CAMK2A: variants seen among roughly 807,000 people sequenced by gnomAD.
The protein encoded by CAMK2A is calcium/calmodulin dependent protein kinase II alpha.
A neutral mutation model predicts 79.2 loss-of-function variants in CAMK2A; 7 were observed. The observed-to-expected ratio is 0.09, with a 90% confidence interval of 0.05 to 0.17. The LOEUF (loss-of-function observed/expected upper bound fraction) is 0.17, where lower values mean the gene tolerates loss of function less well. Among genes scored for constraint, CAMK2A ranks in the 10% least tolerant of loss-of-function variants. The pLI is 1.00. For missense variants in CAMK2A, 214 were observed against 646.4 expected (o/e 0.33, Z 7.25); for synonymous variants, 242 against 251.7 (o/e 0.96, Z 0.36).
At position 150,256,545 on chromosome 5, in the gene CAMK2A, T is replaced by A. The variant is rs201306787; in HGVS notation, c.411+28A>T. 2 of 1,572,476 alleles carry A rather than the reference T, an allele frequency of 1.3e-6. No individual in the cohort carries two copies. Among genetic ancestry groups the A allele is most frequent in the South Asian group, 2.2e-5 (2 of 90,022 alleles). On this transcript the variant is annotated intron_variant, in intron 6 of 18. Transcript: ENST00000671881. This position sits in a 1 kb window ranked among gnomAD's most constrained non-coding sequence, Gnocchi z 4.6. Reference sequence around the variant, plus strand: ...GCAGAGGAGAGAGGGGCTCCCGGGGTGAGCCACACCCACGGTGGGTTGCTC... The same window carrying A: ...GCAGAGGAGAGAGGGGCTCCCGGGGAGAGCCACACCCACGGTGGGTTGCTC...
rs890622182 is a variant in CAMK2A, at chr5:150,220,632, A to G, written c.*2078T>C. 3 of 152,384 alleles carry G rather than the reference A, an allele frequency of 2.0e-5. No individual in the cohort carries two copies. Among genetic ancestry groups the G allele is most frequent in the Non-Finnish European group, 4.4e-5 (3 of 68,084 alleles). 9.4% of individuals were successfully genotyped at this position (152,384 alleles called of 1,614,324 possible). ...GGGAACTGGCAGCTCAAAAGGGGACAGGTGGTTTTGCCCCTGGGATAATGG... is the reference window on the plus strand; with the variant it reads ...GGGAACTGGCAGCTCAAAAGGGGACGGGTGGTTTTGCCCCTGGGATAATGG... On this transcript the variant is annotated 3_prime_UTR_variant, in exon 19 of 19. Coordinates refer to ENST00000671881, the MANE Select transcript of CAMK2A (RefSeq NM_015981.4).
intron 2 of CAMK2A, among the ~76,000 whole-genome samples, chr5:150,272,312 C>T (rs1326130310): frequency 6.6e-6 from 1 of 152,164 alleles, no homozygotes; most frequent in African/African-American, 2.4e-5. Context: ...CACGTGTAAT[C>T]CCAGCACTTT....
At chr5:150,268,192 A>T (rs1368627296) in intron 2 of CAMK2A, among the ~76,000 whole-genome samples, 3 of 152,040 alleles carry the variant, frequency 2.0e-5, no homozygotes, top group Non-Finnish European at 2.9e-5. Context: ...TTAAAACATC[A>T]ATTAAATCCT....
At chr5:150,263,875 C>T (rs1756398690) in intron 3 of CAMK2A, among the ~76,000 whole-genome samples, 1 of 152,204 alleles carries the variant, frequency 6.6e-6, no homozygotes, top group Non-Finnish European at 1.5e-5. Context: ...TCCCTGCCAA[C>T]CCAGGGATGT....
Position 150,256,977 on chromosome 5 carries a change from C to G in CAMK2A, c.273-146G>C. 1 of 624,776 alleles carries G rather than the reference C, an allele frequency of 1.6e-6. No homozygotes were observed. Among genetic ancestry groups the G allele is most frequent in the South Asian group, 2.0e-5 (1 of 50,776 alleles). The allele number at this position is 624,776 out of a possible 1,614,324, so 38.7% of individuals were successfully genotyped here. ...GGGGCCCCAGGGTCACGGGGGTGTCCCCTGCTGCAATGCCCTTCCTGTCTT... is the reference window on the plus strand; with the variant it reads ...GGGGCCCCAGGGTCACGGGGGTGTCGCCTGCTGCAATGCCCTTCCTGTCTT... On this transcript the variant is annotated intron_variant, in intron 4 of 18. Coordinates refer to ENST00000671881, the MANE Select transcript of CAMK2A (RefSeq NM_015981.4). This position sits in a 1 kb window ranked among gnomAD's most constrained non-coding sequence, Gnocchi z 4.6.
chr5:150,225,600 A>G (rs1217822556), intron 17 of CAMK2A, among the ~76,000 whole-genome samples: 1 of 152,052 alleles, frequency 6.6e-6, no homozygotes, highest in African/African-American at 2.4e-5. Context: ...CTTTGTGGGG[A>G]TTGTAAGTTC....
intron 2 of CAMK2A, among the ~76,000 whole-genome samples, chr5:150,268,560 A>T (rs1756609469): frequency 6.6e-6 from 1 of 152,158 alleles, no homozygotes; most frequent in African/African-American, 2.4e-5. Flanking sequence ...CCCAGCTGAC[A>T]TATGTGTTTA....
chr5:150,233,626 ACTG>A (rs1754938859), intron 15 of CAMK2A, among the ~76,000 whole-genome samples: 1 of 152,166 alleles, frequency 6.6e-6, no homozygotes, highest in Admixed American at 6.5e-5. Flanking sequence ...CAGAGTCTGG[ACTG>A]CTATCTTCAT....
intron 7 of CAMK2A, among the ~76,000 whole-genome samples, 189 bp downstream of exon 7, chr5:150,253,255 C>T (rs1338143516): frequency 6.6e-6 from 1 of 152,180 alleles, no homozygotes; most frequent in Non-Finnish European, 1.5e-5. Flanking sequence ...ATGCCTGAAC[C>T]CTGGGGACAC....
At chr5:150,231,670 C>G (rs1272398547) in intron 15 of CAMK2A, among the ~76,000 whole-genome samples, 1 of 151,064 alleles carries the variant, frequency 6.6e-6, no homozygotes, top group East Asian at 1.9e-4. Context: ...GAGCCAGTGT[C>G]TCTGTTGGCG....
At chr5:150,225,336 G>T (rs1165612933) in intron 17 of CAMK2A, among the ~76,000 whole-genome samples, 1 of 152,060 alleles carries the variant, frequency 6.6e-6, no homozygotes, top group Non-Finnish European at 1.5e-5. Context: ...GGGTGGGAGA[G>T]AACCAAGTCC....
chr5:150,261,831 T>C (rs1422653988), intron 3 of CAMK2A, among the ~76,000 whole-genome samples: 1 of 152,220 alleles, frequency 6.6e-6, no homozygotes, highest in Non-Finnish European at 1.5e-5. Context: ...CTAATACCAC[T>C]GGACTGCTAT....
intron 13 of CAMK2A, among the ~76,000 whole-genome samples, chr5:150,240,312 T>C (rs1414118760): frequency 6.6e-6 from 1 of 152,144 alleles, no homozygotes; most frequent in Non-Finnish European, 1.5e-5. Flanking sequence ...TTTTAAACAA[T>C]ATCTGCAGGT....
intron 2 of CAMK2A, among the ~76,000 whole-genome samples, chr5:150,272,288 G>T (rs1190599595): frequency 1.3e-5 from 2 of 152,148 alleles, no homozygotes; most frequent in African/African-American, 4.8e-5. Flanking sequence ...AAATAGGTTG[G>T]GCGTGATGGC....
At chr5:150,287,289 A>G (rs1259118537) in intron 1 of CAMK2A, among the ~76,000 whole-genome samples, 2 of 152,182 alleles carry the variant, frequency 1.3e-5, no homozygotes, top group African/African-American at 4.8e-5. Context: ...TGCATGCAAC[A>G]TTTCGTAGGT....
chr5:150,233,611 C>A (rs1318352052), intron 15 of CAMK2A, among the ~76,000 whole-genome samples: 1 of 152,056 alleles, frequency 6.6e-6, no homozygotes, highest in East Asian at 1.9e-4. Context: ...TGAATGGGAC[C>A]AAACCAGAGT....
At chr5:150,241,980 G>A (rs1024683651) in intron 13 of CAMK2A, among the ~76,000 whole-genome samples, 6 of 152,188 alleles carry the variant, frequency 3.9e-5, no homozygotes, top group African/African-American at 4.8e-5. Context: ...GGCGGGACAC[G>A]AGGAGGAAAC....
intron 13 of CAMK2A, 44 bp downstream of exon 13, chr5:150,245,117 A>G (rs1281815827): frequency 6.3e-7 from 1 of 1,598,196 alleles, no homozygotes; most frequent in African/African-American, 1.3e-5. Context: ...GTTGGCAGAA[A>G]CGCTGCCAGA....
chr5:150,271,187 C>G (rs1756732823), intron 2 of CAMK2A, among the ~76,000 whole-genome samples: 1 of 152,384 alleles, frequency 6.6e-6, no homozygotes, highest in East Asian at 1.9e-4. Flanking sequence ...CATGAGGCAA[C>G]ACCTCTGCTG....
Sources: allele counts gnomAD v4.1 joint callset (sites outside exome capture counted in the v4.1 genomes callset), GRCh38; gene constraint gnomAD v4.1.1; non-coding constraint Gnocchi (gnomAD v3.1); transcripts MANE v1.5; gene names NCBI Gene and HGNC (gene_info 2026-07-23, HGNC 2026-07-21).